The following DOCK10 variants were observed in gnomAD, a reference collection of about 807,000 sequenced individuals.
DOCK10 encodes the protein dedicator of cytokinesis protein 10.
DOCK10 carries 145 observed loss-of-function variants against 280.1 expected under a neutral mutation model. The ratio of observed to expected loss-of-function variants is 0.52; its 90% CI spans 0.45 to 0.59. The LOEUF is 0.59. Among genes scored for constraint, DOCK10 ranks in the 20% least tolerant of loss-of-function variants. The pLI is 0.00. For missense variants in DOCK10, 2,368 were observed against 2,651.7 expected, an observed-to-expected ratio of 0.89 and a Z score of 2.35; for synonymous variants, 915 against 942.2, an observed-to-expected ratio of 0.97 and a Z score of 0.53.
intron 2 of DOCK10, among the ~76,000 whole-genome samples, chr2:224,919,751 G>A (rs1043078153): frequency 6.6e-6 from 1 of 152,038 alleles, no homozygotes; most frequent in African/African-American, 2.4e-5. Context: ...CACGGGGTTT[G>A]TATCCTGTGA....
At chr2:224,998,622 C>T (rs1559941299) in intron 1 of DOCK10, among the ~76,000 whole-genome samples, 1 of 152,158 alleles carries the variant, frequency 6.6e-6, no homozygotes. Context: ...ACATATACAA[C>T]TTTCTTCAAC....
At chr2:224,796,877 C>T (rs1010114581) in intron 43 of DOCK10, 87 bp downstream of exon 43, 4 of 1,269,484 alleles carry the variant, frequency 3.2e-6, no homozygotes, top group Non-Finnish European at 3.3e-6. Flanking sequence ...TTAGTGACGG[C>T]TTGCCCTGAG....
rs1696379489 is a variant in DOCK10, at chr2:224,846,711, G to A, written c.2236-1069C>T. Reference sequence around the variant, plus strand: ...AGGGTTTCACCATGTTGGCCAGGATGGTCTCAATCTCTTGACCTTGTGATC... The same window carrying A: ...AGGGTTTCACCATGTTGGCCAGGATAGTCTCAATCTCTTGACCTTGTGATC... On this transcript the variant is annotated intron_variant, in intron 19 of 55. Transcript: ENST00000258390. Among the ~76,000 whole-genome samples, 3 of 152,114 alleles carry A rather than the reference G, an allele frequency of 2.0e-5. No homozygotes were observed. The South Asian group carries it at 6.2e-4, about 32-fold the overall frequency.
chr2:224,790,342 C>T (rs1325411844), intron 47 of DOCK10, among the ~76,000 whole-genome samples: 2 of 152,162 alleles, frequency 1.3e-5, no homozygotes, highest in Admixed American at 1.3e-4. Context: ...GATTGTTTAG[C>T]TTCTCTTGTT....
chr2:224,775,170 G>A, intron 51 of DOCK10, 55 bp from the exon 52 acceptor site: 1 of 1,537,380 alleles, frequency 6.5e-7, no homozygotes, highest in Non-Finnish European at 9.0e-7. Context: ...CGCTCTGAAA[G>A]CGGGAAGCTC....
In DOCK10 at chr2:224,789,073, T is replaced by C; in HGVS notation, c.5409A>G (p.Pro1803=). 1 of 1,611,936 alleles carries C rather than the reference T, an allele frequency of 6.2e-7. No individual in the cohort carries two copies. Among genetic ancestry groups the C allele is most frequent in the Non-Finnish European group, 8.5e-7 (1 of 1,178,294 alleles). ...MKEDSGMQDT[P]YNENILVEQL... is the part of the protein sequence containing the mutation. ...ATAATTTTGGTCTAACCTCATTGTA[T>C]GGTGTATCTTGCATTCCAGAATCCT... Residue 1803 remains proline, a synonymous_variant, in exon 48 of 56, where the codon CCA becomes CCG. Coordinates refer to ENST00000258390, the MANE Select transcript of DOCK10 (RefSeq NM_014689.3).
intron 14 of DOCK10, 83 bp from the exon 15 acceptor site, chr2:224,857,065 TCTC>T (rs1697197109): frequency 1.7e-6 from 2 of 1,162,956 alleles, no homozygotes; most frequent in Non-Finnish European, 2.3e-6. Flanking sequence ...TAATTAAACT[TCTC>T]ATTTATAATC....
chr2:224,941,936 C>T (rs532517782), intron 1 of DOCK10, among the ~76,000 whole-genome samples: 1 of 151,952 alleles, frequency 6.6e-6, no homozygotes, highest in African/African-American at 2.4e-5. Flanking sequence ...TGTATGTCAA[C>T]ATCCACAATG....
At position 224,786,619 on chromosome 2, in the gene DOCK10, T is replaced by C. The variant is rs1691748157; in HGVS notation, c.5655+403A>G. 6.6e-6 allele frequency among the ~76,000 whole-genome samples: 1 copy of C among 152,240 alleles called. No individual in the cohort carries two copies. The highest frequency in any genetic ancestry group is 1.5e-5 in the Non-Finnish European group (1 of 68,032). On this transcript the variant is annotated intron_variant, in intron 50 of 55. Transcript: ENST00000258390. This position sits in a 1 kb window ranked among gnomAD's most constrained non-coding sequence, Gnocchi z 4.7. ...TAGTAAAATCAAAGGTTTGATATGG[T>C]GGAGCCCCTAGGAATTCTCTTATTT... is the stretch of plus-strand genomic sequence containing the variant.
At chr2:225,039,748 C>T (rs745576612) in intron 1 of DOCK10, among the ~76,000 whole-genome samples, 1 of 152,230 alleles carries the variant, frequency 6.6e-6, no homozygotes, top group Non-Finnish European at 1.5e-5. Context: ...AGAAAACTAT[C>T]TTGTTAACCT....
intron 30 of DOCK10, among the ~76,000 whole-genome samples, chr2:224,815,665 G>A (rs1172845562): frequency 6.6e-6 from 1 of 152,062 alleles, no homozygotes; most frequent in Non-Finnish European, 1.5e-5. Flanking sequence ...CAGAATACTA[G>A]TGTAAGCTAA....
chr2:224,835,790 A>G (rs1053982706), intron 25 of DOCK10, among the ~76,000 whole-genome samples: 1 of 152,242 alleles, frequency 6.6e-6, no homozygotes, highest in Non-Finnish European at 1.5e-5. Context: ...AGATATGTTA[A>G]AATTTATTAT....
At chr2:224,789,457 G>A (rs1401718049) in intron 47 of DOCK10, among the ~76,000 whole-genome samples, 1 of 152,160 alleles carries the variant, frequency 6.6e-6, no homozygotes, top group African/African-American at 2.4e-5. Flanking sequence ...CAATCTTCTG[G>A]TTTAATCTCG....
intron 1 of DOCK10, among the ~76,000 whole-genome samples, chr2:225,012,929 T>C: frequency 6.6e-6 from 1 of 152,244 alleles, no homozygotes; most frequent in South Asian, 2.1e-4. Flanking sequence ...ATGTATTAAA[T>C]AATTGAGCTT....
At chr2:225,035,573 T>TATATATATATA (rs1690229132) in intron 1 of DOCK10, among the ~76,000 whole-genome samples, 1 of 44,134 alleles carries the variant, frequency 2.3e-5, no homozygotes, top group Non-Finnish European at 6.0e-5. Context: ...TATATATATA[T>TATATATATATA]ATATATATAT....
rs1693058813 is a variant in DOCK10, at chr2:224,802,125, T to C, written c.4269-85A>G. The C allele has an allele frequency of 1.3e-5, 18 of 1,394,798 alleles. 1 individual carries two copies. The South Asian group carries it at 2.2e-4, about 17-fold the overall frequency. 86.4% of individuals were successfully genotyped at this position (1,394,798 alleles called of 1,614,324 possible). A position where few individuals can be genotyped will look rare whatever the true frequency, so the allele number is the denominator to read the frequency against. ...CTTGTTCATTCTCAAATGTTCTAGA[T>C]TGAGTCAAATATTAAAAACTAGTTT... is the stretch of plus-strand genomic sequence containing the variant. On this transcript the variant is annotated intron_variant, in intron 39 of 55. Coordinates refer to ENST00000258390, the MANE Select transcript of DOCK10 (RefSeq NM_014689.3).
chr2:224,801,569 G>A (rs1398151623), intron 40 of DOCK10, among the ~76,000 whole-genome samples: 1 of 152,110 alleles, frequency 6.6e-6, no homozygotes, highest in Non-Finnish European at 1.5e-5. Context: ...AAGTTCAAGA[G>A]GTCACCCTTG....
chr2:224,925,957 T>C (rs1267135835), intron 2 of DOCK10, among the ~76,000 whole-genome samples: 2 of 152,374 alleles, frequency 1.3e-5, no homozygotes, highest in South Asian at 2.1e-4. Context: ...GCCACTTTAC[T>C]GAGTCACACA....
At chr2:224,873,546 G>A (rs1037946039) in intron 11 of DOCK10, among the ~76,000 whole-genome samples, 3 of 136,698 alleles carry the variant, frequency 2.2e-5, no homozygotes, top group African/African-American at 5.5e-5. Flanking sequence ...GCAGTGAGCC[G>A]AGACTGCGCA....
Sources: allele counts gnomAD v4.1 joint callset (sites outside exome capture counted in the v4.1 genomes callset), GRCh38; gene constraint gnomAD v4.1.1; non-coding constraint Gnocchi (gnomAD v3.1); transcripts MANE v1.5; gene names NCBI Gene and HGNC (gene_info 2026-07-23, HGNC 2026-07-21).